KCTD16: variants seen among roughly 807,000 people sequenced by gnomAD.
KCTD16 encodes the protein BTB/POZ domain-containing protein KCTD16.
In KCTD16, 13 loss-of-function variants were observed where a neutral mutation model predicts 33.2. The observed-to-expected ratio is 0.39, with a 90% CI of 0.25 to 0.62. The LOEUF (loss-of-function observed/expected upper bound fraction) is 0.62. KCTD16 is among the 20% of genes least tolerant of loss of function. The probability of loss-of-function intolerance (pLI) is 0.50; values close to 1 mark genes in which losing one functional copy is unlikely to be tolerated. For missense variants in KCTD16, 441 were observed against 525.1 expected (o/e 0.84, Z 1.57); for synonymous variants, 197 against 195.3 (o/e 1.01, Z -0.07).
intron 3 of KCTD16, among the ~76,000 whole-genome samples, chr5:144,286,258 T>C (rs1325563582): frequency 6.6e-6 from 1 of 152,194 alleles, no homozygotes; most frequent in African/African-American, 2.4e-5. Context: ...CTTCACTTTA[T>C]ATTTTTTTTC....
chr5:144,420,290 C>G (rs959713379), intron 3 of KCTD16, among the ~76,000 whole-genome samples: 1 of 151,882 alleles, frequency 6.6e-6, no homozygotes, highest in African/African-American at 2.4e-5. Context: ...GCAAGAGTAA[C>G]GGAGATAAAG....
intron 3 of KCTD16, among the ~76,000 whole-genome samples, chr5:144,352,967 T>C (rs1751480023): frequency 6.6e-6 from 1 of 152,228 alleles, no homozygotes; most frequent in South Asian, 2.1e-4. Context: ...AATTTGATTT[T>C]GTTCATTCCA....
At chr5:144,454,821 G>A (rs1259996810) in intron 3 of KCTD16, among the ~76,000 whole-genome samples, 2 of 152,034 alleles carry the variant, frequency 1.3e-5, no homozygotes, top group African/African-American at 4.8e-5. Flanking sequence ...AAAAGCGGTT[G>A]AACTTAAGTT....
At chr5:144,454,188 C>T (rs965710347) in intron 3 of KCTD16, among the ~76,000 whole-genome samples, 2 of 152,076 alleles carry the variant, frequency 1.3e-5, no homozygotes, top group Non-Finnish European at 2.9e-5. Context: ...TATTTTGCTG[C>T]GTAACTCAGA....
chr5:144,273,447 T>C (rs916308729), intron 3 of KCTD16, among the ~76,000 whole-genome samples: 3 of 152,188 alleles, frequency 2.0e-5, no homozygotes, highest in African/African-American at 7.2e-5. Flanking sequence ...AATTACCATA[T>C]GGTTCAGCAG....
At position 144,329,372 on chromosome 5, in the gene KCTD16, G is replaced by T. The variant is rs115627534; in HGVS notation, c.832+121826G>T. ...GGTTGGAAAAGCATAAAGAGGAGAT[G>T]GTCCTCCTGAGAGGTTTGTCTCTTC... On this transcript the variant is annotated intron_variant, in intron 3 of 3. Coordinates refer to ENST00000512467, the MANE Select transcript of KCTD16 (RefSeq NM_020768.4). Among the ~76,000 whole-genome samples, 556 of 152,270 alleles carry T rather than the reference G, an allele frequency of 3.7e-3. 3 individuals carry two copies. The highest frequency in any genetic ancestry group is 0.013 in the African/African-American group (536 of 41,550).
chr5:144,311,910 C>T lies in KCTD16; in HGVS notation c.832+104364C>T, dbSNP rs116148708. ...TTCTAACAAAAAGTTAATGAATATT[C>T]TGGAGAAATAACTTTCAAATCTTAA... On this transcript the variant is annotated intron_variant, in intron 3 of 3. Coordinates refer to ENST00000512467, the MANE Select transcript of KCTD16 (RefSeq NM_020768.4). Among the ~76,000 whole-genome samples, 1,496 of 152,126 alleles carry T rather than the reference C, an allele frequency of 9.8e-3. 22 individuals are homozygous for T. Among genetic ancestry groups the T allele is most frequent in the African/African-American group, 0.034 (1,406 of 41,532 alleles).
chr5:144,383,545 G>GA (rs36080142), intron 3 of KCTD16, among the ~76,000 whole-genome samples: 74 of 145,600 alleles, frequency 5.1e-4, no homozygotes, highest in Non-Finnish European at 5.9e-4. Context: ...GAGGGTGAAG[G>GA]AAAAAAAAAA....
At chr5:144,390,209 T>C (rs114864735) in intron 3 of KCTD16, among the ~76,000 whole-genome samples, 4,797 of 152,336 alleles carry the variant, frequency 0.031, 107 homozygotes, top group Non-Finnish European at 0.047. Flanking sequence ...ATCATGGCTA[T>C]CTGCCCAGCC....
At chr5:144,245,936 C>T (rs1404431024) in intron 3 of KCTD16, among the ~76,000 whole-genome samples, 1 of 152,174 alleles carries the variant, frequency 6.6e-6, no homozygotes, top group Non-Finnish European at 1.5e-5. Flanking sequence ...TCAGCTATCT[C>T]TTTATAGCAA....
At chr5:144,352,271 G>T (rs922262552) in intron 3 of KCTD16, among the ~76,000 whole-genome samples, 6 of 152,148 alleles carry the variant, frequency 3.9e-5, no homozygotes, top group African/African-American at 1.4e-4. Flanking sequence ...TAGGCTTGGG[G>T]ACTGGTACCA....
intron 3 of KCTD16, among the ~76,000 whole-genome samples, chr5:144,459,824 CT>C (rs70995051): frequency 0.081 from 5,389 of 66,676 alleles, 49 homozygotes; most frequent in East Asian, 0.25. Flanking sequence ...CCAATATCAT[CT>C]TTTTTTTTTT....
At chr5:144,445,536 T>C (rs937779865) in intron 3 of KCTD16, among the ~76,000 whole-genome samples, 10 of 152,084 alleles carry the variant, frequency 6.6e-5, no homozygotes, top group Non-Finnish European at 1.5e-4. Context: ...CATCTTTGTA[T>C]AGAATTTGAA....
rs1209164532 is a variant in KCTD16 at position 144,257,182 on chromosome 5, CACAATACTTTGT to C, written c.832+49640_832+49651del. ...TTGTTTACCTTGATATTTCCCAAAG[CACAATACTTTGT>C]ACATATTGAACAATTGAAATCTAGG... On this transcript the variant is annotated intron_variant, in intron 3 of 3. Transcript: ENST00000512467. Among the ~76,000 whole-genome samples, 4 of 152,098 alleles carry C rather than the reference CACAATACTTTGT, an allele frequency of 2.6e-5. No individual in the cohort carries two copies. The East Asian group carries it at 7.7e-4, about 29-fold the overall frequency.
intron 2 of KCTD16, among the ~76,000 whole-genome samples, chr5:144,186,873 A>T (rs886388151): frequency 1.3e-5 from 2 of 152,222 alleles, no homozygotes; most frequent in African/African-American, 2.4e-5. Context: ...CCATCTATTC[A>T]TTCAGTAACT....
At chr5:144,232,057 A>G (rs1561537524) in intron 3 of KCTD16, among the ~76,000 whole-genome samples, 1 of 152,128 alleles carries the variant, frequency 6.6e-6, no homozygotes, top group Non-Finnish European at 1.5e-5. Context: ...TTCCCATTCT[A>G]TAATATACCT....
intron 3 of KCTD16, among the ~76,000 whole-genome samples, chr5:144,297,967 A>ACCC (rs968678973): frequency 6.6e-6 from 1 of 151,668 alleles, no homozygotes; most frequent in Non-Finnish European, 1.5e-5. Context: ...GCCGTCACAG[A>ACCC]CCCCCCTTGA....
rs1255372920 is a variant in KCTD16 at position 144,170,973 on chromosome 5, G to C, written c.-529G>C. The C allele has an allele frequency of 6.6e-6, 1 of 152,244 alleles. No homozygotes were observed. Among genetic ancestry groups the C allele is most frequent in the Non-Finnish European group, 1.5e-5 (1 of 68,052 alleles). 9.4% of individuals were successfully genotyped at this position (152,244 alleles called of 1,614,324 possible). A position where few individuals can be genotyped will look rare whatever the true frequency, so the allele number is the denominator to read the frequency against. On this transcript the variant is annotated 5_prime_UTR_variant, in exon 1 of 4. Transcript: ENST00000512467. ...CAATGCCTACAATGCCTCGGTGTCA[G>C]CATTTACTGTGATTCAAGCACTGTG...
intron 3 of KCTD16, among the ~76,000 whole-genome samples, chr5:144,399,571 T>A (rs1752656501): frequency 6.6e-6 from 1 of 152,166 alleles, no homozygotes; most frequent in Admixed American, 6.6e-5. Context: ...CCTTTCCTCA[T>A]TCTAAAAATC....
Sources: gnomAD v4.1 joint callset for allele counts (sites outside exome capture counted in the v4.1 genomes callset) on GRCh38, gnomAD v4.1.1 for gene constraint, MANE v1.5 for transcripts, NCBI Gene and HGNC (gene_info 2026-07-23, HGNC 2026-07-21) for gene names.